RGS22: variants seen among roughly 807,000 people sequenced by gnomAD.
The protein encoded by RGS22 is regulator of G-protein signaling 22.
A neutral mutation model predicts 172.9 loss-of-function variants in RGS22; 148 were observed. That is an observed-to-expected ratio of 0.86 (90% CI 0.75 to 0.98). The LOEUF (loss-of-function observed/expected upper bound fraction) is 0.98. Among genes scored for constraint, RGS22 ranks in the 50% least tolerant of loss-of-function variants. RGS22 has a pLI of 0.00. For missense variants in RGS22, 1,347 were observed against 1,440.8 expected, an observed-to-expected ratio of 0.93 and a Z score of 1.05; for synonymous variants, 458 against 480.2, an observed-to-expected ratio of 0.95 and a Z score of 0.60.
intron 4 of RGS22, among the ~76,000 whole-genome samples, chr8:100,076,293 T>C (rs867451408): frequency 2.0e-5 from 3 of 152,234 alleles, no homozygotes; most frequent in South Asian, 4.1e-4. Context: ...TCCAAGGTTA[T>C]GAAGATTTAC....
rs759300109 is a variant in RGS22 at position 99,982,155 on chromosome 8, C to T, written c.3181-39G>A. 7 of 1,462,760 alleles carry T rather than the reference C, an allele frequency of 4.8e-6. No homozygotes were observed. In the South Asian group the frequency reaches 7.9e-5, roughly 16 times the overall value. The allele number at this position is 1,462,760 out of a possible 1,614,324, so 90.6% of individuals were successfully genotyped here. On this transcript the variant is annotated intron_variant, in intron 21 of 27. Transcript: ENST00000360863. ...AAGATAGAATGGTATATAATTAATGCATTACCAGAACACTTAATAGAACTG... is the reference window on the plus strand; with the variant it reads ...AAGATAGAATGGTATATAATTAATGTATTACCAGAACACTTAATAGAACTG...
intron 11 of RGS22, among the ~76,000 whole-genome samples, chr8:100,046,943 T>C (rs1215134287): frequency 6.6e-6 from 1 of 151,868 alleles, no homozygotes; most frequent in Non-Finnish European, 1.5e-5. Flanking sequence ...GCCTTCCGAG[T>C]AGTTGATACT....
chr8:100,104,646 C>T (rs1813780845), intron 2 of RGS22, among the ~76,000 whole-genome samples: 2 of 152,132 alleles, frequency 1.3e-5, no homozygotes, highest in South Asian at 4.1e-4. Context: ...TATGACTATA[C>T]AATCATGCAT....
intron 4 of RGS22, 21 bp downstream of exon 4, chr8:100,080,113 T>G (rs751437945): frequency 4.0e-6 from 6 of 1,511,882 alleles, no homozygotes; most frequent in Non-Finnish European, 5.5e-6. Flanking sequence ...TCTAACAAGA[T>G]AAAACAGTAT....
chr8:100,001,938 A>AGTCAAT (rs1815135611), intron 18 of RGS22, among the ~76,000 whole-genome samples: 1 of 152,210 alleles, frequency 6.6e-6, no homozygotes, highest in Admixed American at 6.5e-5. Context: ...TTATTGAATG[A>AGTCAAT]GTCAATGAGT....
chr8:100,052,986 G>A lies in RGS22; in HGVS notation c.1515-10C>T, dbSNP rs750636791. 6.2e-7 allele frequency: 1 copy of A among 1,610,340 alleles called. No individual in the cohort carries two copies. On this transcript the variant is annotated splice_polypyrimidine_tract_variant and intron_variant, in intron 9 of 27. Transcript: ENST00000360863. ...ACAGAATCTTGGTGCCCTGTTTATT[G>A]GAAAAATAAATGTAAGATTGAACTA...
chr8:100,089,030 T>A (rs1812363426), intron 3 of RGS22, among the ~76,000 whole-genome samples: 1 of 152,002 alleles, frequency 6.6e-6, no homozygotes, highest in Non-Finnish European at 1.5e-5. Flanking sequence ...AAAAACAGAA[T>A]CATAATCAAG....
chr8:100,047,733 G>T, intron 10 of RGS22, 137 bp from the exon 11 acceptor site: 3 of 724,196 alleles, frequency 4.1e-6, no homozygotes, highest in Non-Finnish European at 3.9e-6. Flanking sequence ...CAATAAAATA[G>T]AAATTTTTTC....
chr8:100,057,046 G>A (rs528898771), intron 9 of RGS22, among the ~76,000 whole-genome samples: 2 of 152,376 alleles, frequency 1.3e-5, no homozygotes, highest in Middle Eastern at 3.4e-3. Flanking sequence ...CCAAGACCAT[G>A]TGAACCCACC....
chr8:99,971,940 A>C (rs968063233), intron 23 of RGS22, among the ~76,000 whole-genome samples: 2 of 152,196 alleles, frequency 1.3e-5, no homozygotes, highest in Non-Finnish European at 2.9e-5. Flanking sequence ...CCACATAGCC[A>C]AGACAATCCT....
At chr8:100,093,424 A>G in intron 3 of RGS22, 23 bp downstream of exon 3, 2 of 1,421,642 alleles carry the variant, frequency 1.4e-6, no homozygotes, top group Non-Finnish European at 2.0e-6. Context: ...TATATATTCA[A>G]TAGATCATAA....
At chr8:100,089,755 GC>G (rs1422232120) in intron 3 of RGS22, among the ~76,000 whole-genome samples, 3 of 152,118 alleles carry the variant, frequency 2.0e-5, no homozygotes, top group Non-Finnish European at 2.9e-5. Context: ...AACCACATTA[GC>G]TTTGTTTGTT....
chr8:100,083,197 A>C (rs549251101), intron 3 of RGS22, among the ~76,000 whole-genome samples: 2 of 152,268 alleles, frequency 1.3e-5, no homozygotes, highest in South Asian at 4.2e-4. Context: ...TTGGCTGCTC[A>C]CATTACAGAA....
chr8:100,033,465 C>T (rs1819076938), intron 14 of RGS22, among the ~76,000 whole-genome samples: 1 of 151,294 alleles, frequency 6.6e-6, no homozygotes, highest in Non-Finnish European at 1.5e-5. Flanking sequence ...AAGACTAAAC[C>T]AGGAAGAAGT....
intron 3 of RGS22, 58 bp from the exon 4 acceptor site, chr8:100,080,413 C>G (rs183195860): frequency 8.0e-7 from 1 of 1,251,136 alleles, no homozygotes. Context: ...CTCATGGTCT[C>G]TAAGAAGACT....
At chr8:100,041,724 A>C in intron 12 of RGS22, 78 bp downstream of exon 12, 1 of 775,244 alleles carries the variant, frequency 1.3e-6, no homozygotes. Context: ...ATGATAAATC[A>C]ATACAAATTC....
At chr8:100,047,969 G>A (rs377511837) in intron 10 of RGS22, among the ~76,000 whole-genome samples, 2 of 151,934 alleles carry the variant, frequency 1.3e-5, no homozygotes, top group African/African-American at 2.4e-5. Flanking sequence ...TACTGGGGGG[G>A]GGTGCGGGTG....
At chr8:100,089,775 T>C (rs1020101162) in intron 3 of RGS22, among the ~76,000 whole-genome samples, 1 of 152,178 alleles carries the variant, frequency 6.6e-6, no homozygotes, top group African/African-American at 2.4e-5. Context: ...TTTTGGTCCA[T>C]TTCACACTAT....
chr8:100,079,391 A>G (rs1411103205), intron 4 of RGS22, among the ~76,000 whole-genome samples: 1 of 152,240 alleles, frequency 6.6e-6, no homozygotes, highest in African/African-American at 2.4e-5. Context: ...AGTTAAAGAT[A>G]GATACTATTT....
Sources: allele counts gnomAD v4.1 joint callset (sites outside exome capture counted in the v4.1 genomes callset), GRCh38; gene constraint gnomAD v4.1.1; transcripts MANE v1.5; gene names NCBI Gene and HGNC (gene_info 2026-07-23, HGNC 2026-07-21).